SCN9A: variants seen among roughly 807,000 people sequenced by gnomAD.
SCN9A encodes sodium voltage-gated channel alpha subunit 9.
A neutral mutation model predicts 187.0 loss-of-function variants in SCN9A; 131 were observed. The ratio of observed to expected loss-of-function variants is 0.70; its 90% CI spans 0.61 to 0.81. The LOEUF (loss-of-function observed/expected upper bound fraction) is 0.81. Among genes scored for constraint, SCN9A ranks in the 30% least tolerant of loss-of-function variants. The pLI, the probability that SCN9A is intolerant of heterozygous loss-of-function variation, is 0.00. For synonymous variants in SCN9A, 809 were observed against 808.6 expected, an observed-to-expected ratio of 1.00 and a Z score of -0.01; for missense variants, 2,252 against 2,396.6, an observed-to-expected ratio of 0.94 and a Z score of 1.26.
chr2:166,197,259 TC>T lies in SCN9A; in HGVS notation c.*1412del. The T allele has an allele frequency of 6.6e-6, 1 of 152,140 alleles. No homozygotes were observed. Among genetic ancestry groups the T allele is most frequent in the East Asian group, 1.9e-4 (1 of 5,192 alleles). 9.4% of individuals were successfully genotyped at this position (152,140 alleles called of 1,614,324 possible). A position where few individuals can be genotyped will look rare whatever the true frequency, so the allele number is the denominator to read the frequency against. ...CACGAAAAAAAGCATTATGGTTATT[TC>T]TTTTCAAATTACTATTAATAGGTGT... On this transcript the variant is annotated 3_prime_UTR_variant, in exon 27 of 27. Transcript: ENST00000642356.
At chr2:166,301,779 T>C (rs1185259246) in intron 7 of SCN9A, 1 of 150,738 alleles carries the variant, frequency 6.6e-6, no homozygotes, top group East Asian at 1.9e-4. Flanking sequence ...CTCCATCCAT[T>C]GGAAATAAGT....
At chr2:166,365,888 A>T (rs944454994) in intron 1 of SCN9A, among the ~76,000 whole-genome samples, 1 of 152,164 alleles carries the variant, frequency 6.6e-6, no homozygotes, top group Non-Finnish European at 1.5e-5. Context: ...GTTCATTGCT[A>T]TATCTGATGT....
rs1693365329 is a variant in SCN9A, at chr2:166,199,327, G to A, written c.5312C>T (p.Thr1771Ile). 2 of 1,614,150 alleles carry A rather than the reference G, an allele frequency of 1.2e-6. No homozygotes were observed. Among genetic ancestry groups the A allele is most frequent in the East Asian group, 4.5e-5 (2 of 44,880 alleles). The change falls in exon 27 of 27, where the codon ACT becomes ATT. Residue 1771 changes from threonine to isoleucine, a missense_variant. Around this residue, in one of 7 missense-constraint regions of SCN9A, gnomAD observed 345 missense variants for 344.6 expected, o/e 1.00. Coordinates refer to ENST00000642356, the MANE Select transcript of SCN9A (RefSeq NM_001365536.1). ...ENFSVATEES[T>I]EPLSEDDFEM... ...AAAGTCATCCTCACTCAGAGGTTCA[G>A]TACTTTCTTCAGTGGCAACACTAAA... is the stretch of plus-strand genomic sequence containing the variant.
At chr2:166,306,236 A>T (rs965518927) in intron 4 of SCN9A, among the ~76,000 whole-genome samples, 4 of 152,154 alleles carry the variant, frequency 2.6e-5, no homozygotes, top group African/African-American at 9.7e-5. Flanking sequence ...ATAATTATAA[A>T]ACATACACCC....
intron 2 of SCN9A, among the ~76,000 whole-genome samples, chr2:166,311,150 T>G: frequency 8.9e-6 from 1 of 112,682 alleles, no homozygotes; most frequent in South Asian, 3.1e-4. Flanking sequence ...TAATGCTAGA[T>G]GACCAGTTAG....
At chr2:166,245,707 T>C (rs1245459972) in intron 18 of SCN9A, among the ~76,000 whole-genome samples, 1 of 152,020 alleles carries the variant, frequency 6.6e-6, no homozygotes, top group Non-Finnish European at 1.5e-5. Context: ...AAAGTAAGAA[T>C]GGGCAGCACT....
intron 1 of SCN9A, among the ~76,000 whole-genome samples, chr2:166,366,935 C>A (rs1012133224): frequency 6.6e-6 from 1 of 151,920 alleles, no homozygotes; most frequent in Non-Finnish European, 1.5e-5. Flanking sequence ...GTTTTAAAAC[C>A]CTTAAAAGTC....
intron 18 of SCN9A, among the ~76,000 whole-genome samples, chr2:166,251,245 C>T (rs1237676914): frequency 1.3e-5 from 2 of 151,886 alleles, no homozygotes; most frequent in African/African-American, 4.8e-5. Flanking sequence ...TCATTATTTA[C>T]AGGATGTGCA....
intron 1 of SCN9A, among the ~76,000 whole-genome samples, chr2:166,327,116 T>A (rs948454796): frequency 6.6e-6 from 1 of 152,178 alleles, no homozygotes; most frequent in South Asian, 2.1e-4. Context: ...AGGAGGCAGC[T>A]GTAATATGGG....
intron 1 of SCN9A, among the ~76,000 whole-genome samples, chr2:166,343,575 T>C (rs1699834576): frequency 6.6e-6 from 1 of 152,164 alleles, no homozygotes; most frequent in African/African-American, 2.4e-5. Flanking sequence ...ATAACATGTC[T>C]TTACTTCTCT....
chr2:166,281,071 T>G (rs1235752605), intron 13 of SCN9A, among the ~76,000 whole-genome samples: 1 of 152,156 alleles, frequency 6.6e-6, no homozygotes, highest in Admixed American at 6.6e-5. Context: ...GGAGGACTCA[T>G]GAAATAGACA....
At chr2:166,340,620 C>T (rs10611611) in intron 1 of SCN9A, among the ~76,000 whole-genome samples, 5,224 of 44,932 alleles carry the variant, frequency 0.12, 265 homozygotes, top group Middle Eastern at 0.22. Flanking sequence ...TTCTTTCTTT[C>T]CTTTCTCTTC....
intron 22 of SCN9A, 62 bp downstream of exon 22, chr2:166,228,629 A>C: frequency 7.9e-7 from 1 of 1,262,430 alleles, no homozygotes; most frequent in Non-Finnish European, 1.1e-6. Context: ...TTTAAAGAAT[A>C]ACTTATATCC....
At chr2:166,362,457 G>A (rs539520802) in intron 1 of SCN9A, among the ~76,000 whole-genome samples, 23 of 151,814 alleles carry the variant, frequency 1.5e-4, no homozygotes, top group African/African-American at 5.6e-4. Context: ...ATTTTTTTAA[G>A]GGTGAATTAA....
At chr2:166,201,885 A>G (rs972731662) in intron 26 of SCN9A, among the ~76,000 whole-genome samples, 1 of 151,704 alleles carries the variant, frequency 6.6e-6, no homozygotes, top group Admixed American at 6.6e-5. Flanking sequence ...ATTTGAAAAC[A>G]TCTACTATTG....
At chr2:166,232,460 C>T (rs1260205064) in intron 21 of SCN9A, among the ~76,000 whole-genome samples, 2 of 152,108 alleles carry the variant, frequency 1.3e-5, no homozygotes, top group African/African-American at 4.8e-5. Flanking sequence ...ACTTACCTAT[C>T]TTTTCTAATG....
chr2:166,272,732 T>G lies in SCN9A; in HGVS notation c.3018A>C (p.Leu1006Phe), dbSNP rs1388951436. The change falls in exon 17 of 27, where the codon TTA becomes TTC. Residue 1006 changes from leucine (L) to phenylalanine (F), a missense_variant. Around this residue, in one of 7 missense-constraint regions of SCN9A, gnomAD observed 313 missense variants for 295.3 expected, o/e 1.06. Transcript: ENST00000642356. Reference sequence around the variant, plus strand: ...AAAATGCTTTTAGAATAAATTCACGTAAGGTTTGTTTCACATAATTTATTC... The same window carrying G: ...AAAATGCTTTTAGAATAAATTCACGGAAGGTTTGTTTCACATAATTTATTC... ...KKGINYVKQT[L>F]REFILKAFSK... The G allele has an allele frequency of 1.3e-6, 2 of 1,584,604 alleles. No homozygotes were observed. The highest frequency in any genetic ancestry group is 1.2e-5 in the South Asian group (1 of 85,662).
At chr2:166,295,753 T>C (rs1398474387) in intron 7 of SCN9A, among the ~76,000 whole-genome samples, 2 of 152,210 alleles carry the variant, frequency 1.3e-5, no homozygotes, top group African/African-American at 2.4e-5. Flanking sequence ...AGTCCATACT[T>C]ACTTAGGACC....
Position 166,222,945 on chromosome 2 carries a change from C to CAAAAAAAAAAAAAAAAAAA in SCN9A, c.4398+3603_4398+3621dup, listed in dbSNP as rs1309168684. Among the ~76,000 whole-genome samples the CAAAAAAAAAAAAAAAAAAA allele has an allele frequency of 9.8e-3, 438 of 44,714 alleles. 40 individuals are homozygous for CAAAAAAAAAAAAAAAAAAA. Among genetic ancestry groups the CAAAAAAAAAAAAAAAAAAA allele is most frequent in the Non-Finnish European group, 0.011 (272 of 25,010 alleles). 29.3% of individuals were successfully genotyped at this position (44,714 alleles called of 152,430 possible). ...AACTCCGTCTCAAAAAAAAAAACAA[C>CAAAAAAAAAAAAAAAAAAA]AAAAAAAAAAAAAAAAAAAAAAAAA... On this transcript the variant is annotated intron_variant, in intron 24 of 26. Transcript: ENST00000642356.
Sources: allele counts gnomAD v4.1 joint callset (sites outside exome capture counted in the v4.1 genomes callset), GRCh38; gene constraint gnomAD v4.1.1; regional missense constraint gnomAD v4.1.1; transcripts MANE v1.5; gene names NCBI Gene and HGNC (gene_info 2026-07-23, HGNC 2026-07-21).